STAG1: variants seen among roughly 807,000 people sequenced by gnomAD.
STAG1 encodes cohesin subunit SA-1.
In STAG1, 26 loss-of-function variants were observed where a neutral mutation model predicts 170.9. The observed-to-expected ratio is 0.15, with a 90% confidence interval of 0.11 to 0.21. STAG1 has a LOEUF of 0.21. Among genes scored for constraint, STAG1 ranks in the 10% least tolerant of loss-of-function variants. The pLI, the probability that STAG1 is intolerant of heterozygous loss-of-function variation, is 1.00. For synonymous variants in STAG1, 514 were observed against 497.7 expected (o/e 1.03, Z -0.44); for missense variants, 964 against 1,509.5 (o/e 0.64, Z 5.99).
chr3:136,358,209 C>A (rs1468770545), intron 27 of STAG1, among the ~76,000 whole-genome samples: 1 of 151,712 alleles, frequency 6.6e-6, no homozygotes, highest in Admixed American at 6.6e-5. Flanking sequence ...CTCAGCCTCC[C>A]GAGTAGCTGG....
intron 4 of STAG1, among the ~76,000 whole-genome samples, chr3:136,598,915 A>T (rs112115423): frequency 1.2e-3 from 177 of 152,284 alleles, no homozygotes; most frequent in African/African-American, 2.5e-3. Flanking sequence ...TACAGCTATG[A>T]AATTACTTTC....
intron 1 of STAG1, chr3:136,737,207 C>T (rs1249221591): frequency 7.3e-6 from 5 of 685,476 alleles, no homozygotes; most frequent in East Asian, 3.0e-5. Context: ...CACGAAGTCC[C>T]GCTCTCTCCT....
intron 1 of STAG1, among the ~76,000 whole-genome samples, chr3:136,702,123 CAGAGAGACAGAG>C (rs1943096067): frequency 1.8e-5 from 1 of 55,672 alleles, no homozygotes. Context: ...GAGAGAGAGA[CAGAGAGACAGAG>C]AGACAGAGAG....
chr3:136,404,863 A>G (rs199907632), intron 21 of STAG1, among the ~76,000 whole-genome samples: 52 of 149,010 alleles, frequency 3.5e-4, no homozygotes, highest in Non-Finnish European at 3.3e-4. Flanking sequence ...TTATGCATAT[A>G]TGTGTGTGTG....
rs374710440 is a variant in STAG1, at chr3:136,640,488, C to A, written c.-83-9507G>T. On this transcript the variant is annotated intron_variant, in intron 1 of 33. Coordinates refer to ENST00000383202, the MANE Select transcript of STAG1 (RefSeq NM_005862.3). ...GGTTCAAGCGATTCTCCTGCCTCAG[C>A]CTCCTGAGTAGTTGGGATTACAGGT... is the stretch of plus-strand genomic sequence containing the variant. Among the ~76,000 whole-genome samples the A allele has an allele frequency of 1.2e-4, 18 of 152,002 alleles. No homozygotes were observed. The South Asian group carries it at 3.7e-3, about 32-fold the overall frequency.
chr3:136,687,629 G>A lies in STAG1; in HGVS notation c.-83-56648C>T, dbSNP rs528277200. On this transcript the variant is annotated intron_variant, in intron 1 of 33. Coordinates refer to ENST00000383202, the MANE Select transcript of STAG1 (RefSeq NM_005862.3). Reference sequence around the variant, plus strand: ...TGGATCATGGATAGATGAGGGTTTTGGGTGATAAATCTAAGAGTCAGTTGT... The same window carrying A: ...TGGATCATGGATAGATGAGGGTTTTAGGTGATAAATCTAAGAGTCAGTTGT... Among the ~76,000 whole-genome samples the A allele has an allele frequency of 2.0e-5, 3 of 152,142 alleles. No homozygotes were observed. In the East Asian group the frequency reaches 5.8e-4, roughly 29 times the overall value.
intron 1 of STAG1, among the ~76,000 whole-genome samples, chr3:136,685,824 C>A (rs1457462348): frequency 6.6e-6 from 1 of 152,032 alleles, no homozygotes; most frequent in Non-Finnish European, 1.5e-5. Flanking sequence ...AGAGACAAAT[C>A]TCTAAGCAAA....
At chr3:136,475,511 T>C (rs2089727414) in intron 10 of STAG1, among the ~76,000 whole-genome samples, 1 of 152,130 alleles carries the variant, frequency 6.6e-6, no homozygotes. Context: ...CAACTCAGGC[T>C]TGGCATCCAG....
chr3:136,465,276 A>C (rs900605491), intron 12 of STAG1, among the ~76,000 whole-genome samples: 1 of 150,356 alleles, frequency 6.7e-6, no homozygotes, highest in East Asian at 2.0e-4. Context: ...CTGGAGTACA[A>C]CACCATGATC....
intron 5 of STAG1, among the ~76,000 whole-genome samples, chr3:136,562,695 C>T (rs539287644): frequency 6.6e-6 from 1 of 152,230 alleles, no homozygotes; most frequent in East Asian, 1.9e-4. Flanking sequence ...TCAAGTGATT[C>T]TCCTGCCTCA....
At chr3:136,687,685 G>A (rs1942579124) in intron 1 of STAG1, among the ~76,000 whole-genome samples, 1 of 151,950 alleles carries the variant, frequency 6.6e-6, no homozygotes, top group Non-Finnish European at 1.5e-5. Context: ...ACTGGGAAAC[G>A]TGGATTATAC....
At chr3:136,511,391 C>A (rs1934056199) in intron 7 of STAG1, among the ~76,000 whole-genome samples, 1 of 152,186 alleles carries the variant, frequency 6.6e-6, no homozygotes, top group Non-Finnish European at 1.5e-5. Context: ...GACATGGAAT[C>A]AACCTTAATG....
chr3:136,532,371 C>T (rs1935417580), intron 6 of STAG1, among the ~76,000 whole-genome samples: 1 of 152,138 alleles, frequency 6.6e-6, no homozygotes, highest in African/African-American at 2.4e-5. Flanking sequence ...GTTTTGCTAA[C>T]AGGGTAATGC....
At chr3:136,723,832 G>T (rs1933477283) in intron 1 of STAG1, among the ~76,000 whole-genome samples, 1 of 144,208 alleles carries the variant, frequency 6.9e-6, no homozygotes, top group Non-Finnish European at 1.5e-5. Context: ...GGAGGGAGGT[G>T]GGGGGGTCAG....
chr3:136,373,151 A>G (rs1405437750), intron 23 of STAG1, among the ~76,000 whole-genome samples: 3 of 152,152 alleles, frequency 2.0e-5, no homozygotes, highest in African/African-American at 7.2e-5. Flanking sequence ...TGTTTATAGT[A>G]TTCTCTAATG....
At chr3:136,508,369 G>C (rs1261678234) in intron 7 of STAG1, among the ~76,000 whole-genome samples, 1 of 152,086 alleles carries the variant, frequency 6.6e-6, no homozygotes, top group Non-Finnish European at 1.5e-5. Context: ...TTTCTAGAGA[G>C]GAAATGTTTG....
rs112177812 is a variant in STAG1 at position 136,620,430 on chromosome 3, G to T, written c.132+2716C>A. On this transcript the variant is annotated intron_variant, in intron 3 of 33. Transcript: ENST00000383202. ...GATTAATTAACAGCTTGGCATTCTG[G>T]CTTCCTTAAGAGAAACAGTGTGGGA... Among the ~76,000 whole-genome samples the T allele has an allele frequency of 3.2e-3, 481 of 152,278 alleles. 2 individuals carry two copies. The highest frequency in any genetic ancestry group is 5.6e-3 in the Non-Finnish European group (379 of 68,034).
chr3:136,607,935 T>C (rs151266475), intron 3 of STAG1, among the ~76,000 whole-genome samples: 38 of 152,262 alleles, frequency 2.5e-4, no homozygotes, highest in African/African-American at 5.1e-4. Context: ...GTTCCTTTTA[T>C]TGGAAAATGA....
At chr3:136,723,592 G>A (rs1205756167) in intron 1 of STAG1, among the ~76,000 whole-genome samples, 13 of 150,494 alleles carry the variant, frequency 8.6e-5, no homozygotes, top group African/African-American at 2.2e-4. Context: ...CAGCCGCCCC[G>A]TCCAGGAGGG....
Sources: gnomAD v4.1 joint callset for allele counts (sites outside exome capture counted in the v4.1 genomes callset) on GRCh38, gnomAD v4.1.1 for gene constraint, MANE v1.5 for transcripts, NCBI Gene and HGNC (gene_info 2026-07-23, HGNC 2026-07-21) for gene names.